The following PCDHGB1 variants were observed in gnomAD, a reference collection of about 807,000 sequenced individuals.
PCDHGB1 encodes protocadherin gamma subfamily B, 1, also known as protocadherin gamma-B1.
PCDHGB1 carries 34 observed loss-of-function variants against 56.6 expected under a neutral mutation model. The ratio of observed to expected loss-of-function variants is 0.60; its 90% CI spans 0.46 to 0.80. The LOEUF (loss-of-function observed/expected upper bound fraction) is 0.80. Among genes scored for constraint, PCDHGB1 ranks in the 30% least tolerant of loss-of-function variants. The pLI is 0.00. For missense variants in PCDHGB1, 1,278 were observed against 1,204.6 expected (o/e 1.06, Z -0.90); for synonymous variants, 561 against 505.9 (o/e 1.11, Z -1.46).
chr5:141,414,106 CTAGA>C, intron 1 of PCDHGB1: 1 of 1,592,656 alleles, frequency 6.3e-7, no homozygotes, highest in Non-Finnish European at 8.6e-7. Flanking sequence ...ATCAGAAAAT[CTAGA>C]TTATGAAGAA....
chr5:141,356,200 C>A lies in PCDHGB1; in HGVS notation c.2409+3531C>A, dbSNP rs770189453. On this transcript the variant is annotated intron_variant, in intron 1 of 3. Transcript: ENST00000523390. ...TGGTCTCCGAGCTAGAAGCAAGGTA[C>A]TGGTGACAGTTCTGGATGAAAATGA... 3.1e-6 allele frequency: 5 copies of A among 1,608,320 alleles called. No homozygotes were observed. The Admixed American group carries it at 8.5e-5, about 27-fold the overall frequency.
At position 141,394,297 on chromosome 5, in the gene PCDHGB1, C is replaced by T. The variant is rs375160983; in HGVS notation, c.2409+41628C>T. 8.1e-6 allele frequency: 13 copies of T among 1,613,872 alleles called. No homozygotes were observed. Among genetic ancestry groups the T allele is most frequent in the African/African-American group, 1.3e-5 (1 of 74,926 alleles). ...GTCACTTACTCTGTGACCGAGGACA[C>T]GCTGCAGGGGGCGCCCCTGTCCTCG... On this transcript the variant is annotated intron_variant, in intron 1 of 3. Coordinates refer to ENST00000523390, the MANE Select transcript of PCDHGB1 (RefSeq NM_018922.3).
chr5:141,400,011 G>A (rs200842238), intron 1 of PCDHGB1: 35 of 1,612,624 alleles, frequency 2.2e-5, no homozygotes, highest in African/African-American at 4.0e-5. Context: ...CGCGTGCCTT[G>A]GGCGACAGGG....
At chr5:141,480,910 T>C (rs985100480) in intron 1 of PCDHGB1, among the ~76,000 whole-genome samples, 5 of 152,106 alleles carry the variant, frequency 3.3e-5, no homozygotes, top group Non-Finnish European at 7.4e-5. Flanking sequence ...CTGGGCATGG[T>C]GGCGCATACC....
chr5:141,372,233 G>C, intron 1 of PCDHGB1: 1 of 1,613,368 alleles, frequency 6.2e-7, no homozygotes, highest in Non-Finnish European at 8.5e-7. Flanking sequence ...AGGCCAGCGA[G>C]CCCGGGCTGT....
chr5:141,366,199 G>A, intron 1 of PCDHGB1: 3 of 1,613,876 alleles, frequency 1.9e-6, no homozygotes, highest in Non-Finnish European at 2.5e-6. Flanking sequence ...GGCTGCACAC[G>A]GGCGAGGTGC....
intron 1 of PCDHGB1, chr5:141,384,315 C>G (rs1465826601): frequency 6.2e-7 from 1 of 1,613,878 alleles, no homozygotes; most frequent in Non-Finnish European, 8.5e-7. Flanking sequence ...CCTCCATTTT[C>G]TTAGTGACTG....
intron 1 of PCDHGB1, chr5:141,403,479 A>G: frequency 1.2e-6 from 2 of 1,613,848 alleles, no homozygotes; most frequent in Non-Finnish European, 1.7e-6. Flanking sequence ...AGCCCCAATC[A>G]CCACTTCTCC....
chr5:141,371,232 G>A lies in PCDHGB1; in HGVS notation c.2409+18563G>A, dbSNP rs1383557802. On this transcript the variant is annotated intron_variant, in intron 1 of 3. Coordinates refer to ENST00000523390, the MANE Select transcript of PCDHGB1 (RefSeq NM_018922.3). ...GGGCATCAATGCCGAAATCATCTATGCCTTCATCAATATTGGCAAGGAAGT... is the reference window on the plus strand; with the variant it reads ...GGGCATCAATGCCGAAATCATCTATACCTTCATCAATATTGGCAAGGAAGT... 6 of 1,613,918 alleles carry A rather than the reference G, an allele frequency of 3.7e-6. No homozygotes were observed. In the Admixed American group the frequency reaches 6.7e-5, roughly 18 times the overall value.
In PCDHGB1 at chr5:141,489,068, G is replaced by GGC; in HGVS notation, c.2410-5739_2410-5738insGC. 1 of 291,558 alleles carries GGC rather than the reference G, an allele frequency of 3.4e-6. No individual in the cohort carries two copies. The allele number at this position is 291,558 out of a possible 1,614,324, so 18.1% of individuals were successfully genotyped here. ...CTCAAATTCAGCTCCCCTCCCCCCT[G>GGC]CCCACCCCCGCCACTCGGTGACTAA... On this transcript the variant is annotated intron_variant, in intron 1 of 3. Transcript: ENST00000523390. The surrounding 1 kb of genome is among the most constrained non-coding windows in gnomAD (Gnocchi z 4.5).
chr5:141,368,427 C>T (rs1228865676), intron 1 of PCDHGB1, among the ~76,000 whole-genome samples: 1 of 151,790 alleles, frequency 6.6e-6, no homozygotes, highest in Non-Finnish European at 1.5e-5. Context: ...ACATTCTGAC[C>T]AAAATGTAAA....
chr5:141,429,450 A>G (rs1326036711), intron 1 of PCDHGB1, among the ~76,000 whole-genome samples: 1 of 152,114 alleles, frequency 6.6e-6, no homozygotes, highest in East Asian at 1.9e-4. Context: ...CTTGGGCTAC[A>G]GTAATCCTCC....
At chr5:141,364,582 G>A (rs1379738059) in intron 1 of PCDHGB1, 1 of 1,614,206 alleles carries the variant, frequency 6.2e-7, no homozygotes, top group Non-Finnish European at 8.5e-7. Flanking sequence ...GCGGCAGCTT[G>A]GTCACCGCGG....
rs933117526 is a variant in PCDHGB1 at position 141,355,681 on chromosome 5, G to A, written c.2409+3012G>A. 11 of 1,613,908 alleles carry A rather than the reference G, an allele frequency of 6.8e-6. No individual in the cohort carries two copies. Among genetic ancestry groups the A allele is most frequent in the Non-Finnish European group, 9.3e-6 (11 of 1,179,912 alleles). On this transcript the variant is annotated intron_variant, in intron 1 of 3. Coordinates refer to ENST00000523390, the MANE Select transcript of PCDHGB1 (RefSeq NM_018922.3). ...TCCTCTTCCTGAAGCTTTTGATCCG[G>A]ATGTAGGTGTAAACTCCCTGCAGGG...
Position 141,497,143 on chromosome 5 carries a change from G to GA in PCDHGB1, c.2468+2287dup, listed in dbSNP as rs928640875. ...AGAGGTTGCAGTGAGCTGAGATCAC[G>GA]AAAAAAAAATAATCTAGCCACAAAT... On this transcript the variant is annotated intron_variant, in intron 2 of 3. Coordinates refer to ENST00000523390, the MANE Select transcript of PCDHGB1 (RefSeq NM_018922.3). 1.3e-3 allele frequency among the ~76,000 whole-genome samples: 194 copies of GA among 150,104 alleles called. 4 individuals are homozygous for GA. The highest frequency in any genetic ancestry group is 7.6e-3 in the Admixed American group (115 of 15,100).
chr5:141,431,420 G>A lies in PCDHGB1; in HGVS notation c.2410-63387G>A, dbSNP rs780266425. ...TACGGCCTCCGACGGGGGCGACCCG[G>A]TGCGCACAGGCACCGCGCGCATCCG... On this transcript the variant is annotated intron_variant, in intron 1 of 3. Coordinates refer to ENST00000523390, the MANE Select transcript of PCDHGB1 (RefSeq NM_018922.3). The surrounding 1 kb of genome is among the most constrained non-coding windows in gnomAD (Gnocchi z 4.8). 5 of 1,613,592 alleles carry A rather than the reference G, an allele frequency of 3.1e-6. No homozygotes were observed. The highest frequency in any genetic ancestry group is 3.4e-6 in the Non-Finnish European group (4 of 1,180,050).
intron 1 of PCDHGB1, chr5:141,391,513 C>T (rs1485140932): frequency 6.6e-6 from 1 of 152,096 alleles, no homozygotes; most frequent in Non-Finnish European, 1.5e-5. Flanking sequence ...TATTTTCTTT[C>T]ACTAATTTAA....
intron 1 of PCDHGB1, among the ~76,000 whole-genome samples, chr5:141,470,239 A>G (rs978204909): frequency 1.3e-5 from 2 of 152,232 alleles, no homozygotes; most frequent in African/African-American, 2.4e-5. Flanking sequence ...AAACCCTTGA[A>G]TGTCCCACCT....
chr5:141,477,212 C>CCTCT lies in PCDHGB1; in HGVS notation c.2410-17594_2410-17591dup. 6.2e-7 allele frequency: 1 copy of CCTCT among 1,614,166 alleles called. No homozygotes were observed. The highest frequency in any genetic ancestry group is 8.5e-7 in the Non-Finnish European group (1 of 1,180,042). The stretch of plus-strand genomic sequence containing the variant: ...GTACAGCCCAGTACCCGAGGATGCC[C>CCTCT]CTCTGGGGACTGTCATCGCTTTGCT... On this transcript the variant is annotated intron_variant, in intron 1 of 3. Coordinates refer to ENST00000523390, the MANE Select transcript of PCDHGB1 (RefSeq NM_018922.3). This position sits in a 1 kb window ranked among gnomAD's most constrained non-coding sequence, Gnocchi z 4.9.
Sources: allele counts gnomAD v4.1 joint callset (sites outside exome capture counted in the v4.1 genomes callset), GRCh38; gene constraint gnomAD v4.1.1; non-coding constraint Gnocchi (gnomAD v3.1); transcripts MANE v1.5; gene names NCBI Gene and HGNC (gene_info 2026-07-23, HGNC 2026-07-21).